SGCD: variants seen among roughly 807,000 people sequenced by gnomAD.
SGCD encodes the protein delta-sarcoglycan.
A neutral mutation model predicts 36.6 loss-of-function variants in SGCD; 18 were observed. That is an observed-to-expected ratio of 0.49 (90% confidence interval 0.34 to 0.73). The LOEUF (loss-of-function observed/expected upper bound fraction) is 0.73. Among genes scored for constraint, SGCD ranks in the 30% least tolerant of loss-of-function variants. The pLI, the probability that SGCD is intolerant of heterozygous loss-of-function variation, is 0.01. For missense variants in SGCD, 387 were observed against 346.7 expected (o/e 1.12, Z -0.92); for synonymous variants, 133 against 130.6 (o/e 1.02, Z -0.12).
intron 3 of SGCD, among the ~76,000 whole-genome samples, chr5:156,453,112 A>G (rs1351945050): frequency 6.6e-6 from 1 of 152,202 alleles, no homozygotes; most frequent in Non-Finnish European, 1.5e-5. Flanking sequence ...GACAAATAGA[A>G]TAGCATGAAC....
At position 156,666,959 on chromosome 5, in the gene SGCD, A is replaced by T. The variant is rs191536745; in HGVS notation, c.575+19423A>T. On this transcript the variant is annotated intron_variant, in intron 7 of 8. Transcript: ENST00000337851. ...GACTTTGTCTCAAAAACTAATAATA[A>T]ATAAAAATTAAAATTAAAAAACCAT... Among the ~76,000 whole-genome samples, 184 of 152,252 alleles carry T rather than the reference A, an allele frequency of 1.2e-3. 1 individual carries two copies. Among genetic ancestry groups the T allele is most frequent in the Non-Finnish European group, 2.2e-3 (151 of 68,024 alleles).
At chr5:156,296,275 C>T (rs1282696876) in intron 3 of SGCD, among the ~76,000 whole-genome samples, 1 of 152,166 alleles carries the variant, frequency 6.6e-6, no homozygotes, top group South Asian at 2.1e-4. Flanking sequence ...CTCTATCAAT[C>T]ACCTTGAGGA....
chr5:155,806,443 G>A, the SGCD span, among the ~76,000 whole-genome samples: 119 of 152,300 alleles, frequency 7.8e-4, no homozygotes, highest in African/African-American at 2.6e-3. Flanking sequence ...ATAAGCCATC[G>A]TGCCCAGCCG....
intron 3 of SGCD, among the ~76,000 whole-genome samples, chr5:156,144,051 T>A (rs1490203125): frequency 6.6e-6 from 1 of 151,978 alleles, no homozygotes; most frequent in East Asian, 1.9e-4. Flanking sequence ...TCCGTGTCCC[T>A]ACAAAGGACA....
At chr5:156,301,367 CA>C (rs1009196497) in intron 3 of SGCD, among the ~76,000 whole-genome samples, 1 of 152,006 alleles carries the variant, frequency 6.6e-6, no homozygotes, top group African/African-American at 2.4e-5. Context: ...AACAAACTAA[CA>C]AAGAGAAAAC....
intron 7 of SGCD, among the ~76,000 whole-genome samples, chr5:156,703,320 G>C (rs764640147): frequency 1.3e-5 from 2 of 151,658 alleles, no homozygotes; most frequent in Non-Finnish European, 2.9e-5. Flanking sequence ...ATCTATAGTG[G>C]GTGCTTCTGG....
At chr5:155,909,956 C>T (rs1243891945) in intron 1 of SGCD, among the ~76,000 whole-genome samples, 4 of 151,680 alleles carry the variant, frequency 2.6e-5, no homozygotes, top group South Asian at 2.1e-4. Context: ...AGTCTGGGAG[C>T]AAAAGACAAG....
intron 3 of SGCD, among the ~76,000 whole-genome samples, chr5:156,191,388 A>T (rs925868502): frequency 6.6e-6 from 1 of 152,150 alleles, no homozygotes; most frequent in African/African-American, 2.4e-5. Flanking sequence ...AGGTAGACGC[A>T]TTAAAAGGAG....
At chr5:155,836,466 A>ACCC in the SGCD span, among the ~76,000 whole-genome samples, 5 of 89,344 alleles carry the variant, frequency 5.6e-5, no homozygotes, top group African/African-American at 3.2e-4. Flanking sequence ...TACCTCTGAT[A>ACCC]CCCACCCCCG....
At chr5:156,405,441 T>C (rs4705013) in intron 3 of SGCD, among the ~76,000 whole-genome samples, 90,000 of 152,046 alleles carry the variant, frequency 0.59, 27,072 homozygotes, top group Middle Eastern at 0.71. Flanking sequence ...GGTTTTTCTA[T>C]CTTAAACAAA....
intron 1 of SGCD, among the ~76,000 whole-genome samples, chr5:156,101,298 C>A (rs775214677): frequency 1.3e-5 from 2 of 152,202 alleles, no homozygotes; most frequent in Non-Finnish European, 2.9e-5. Flanking sequence ...CCTGGCGAAG[C>A]TTCATCTCCA....
the SGCD span, among the ~76,000 whole-genome samples, chr5:155,853,482 C>T: frequency 6.6e-6 from 1 of 152,120 alleles, no homozygotes; most frequent in African/African-American, 2.4e-5. Context: ...CAATTGTTGA[C>T]ATGCCTCTTT....
At chr5:155,927,174 G>A (rs1270246015) in intron 1 of SGCD, among the ~76,000 whole-genome samples, 1 of 152,152 alleles carries the variant, frequency 6.6e-6, no homozygotes, top group Non-Finnish European at 1.5e-5. Context: ...ATTTCTAACG[G>A]TCATAGAGAT....
chr5:156,574,557 A>G (rs1759847061), intron 4 of SGCD, among the ~76,000 whole-genome samples: 1 of 152,180 alleles, frequency 6.6e-6, no homozygotes, highest in Non-Finnish European at 1.5e-5. Context: ...CAAAGCCCTA[A>G]TTAACCACAA....
At chr5:156,208,248 C>T (rs541922662) in intron 3 of SGCD, among the ~76,000 whole-genome samples, 41 of 152,298 alleles carry the variant, frequency 2.7e-4, no homozygotes, top group African/African-American at 9.4e-4. Context: ...TGCCTGTCTT[C>T]AAGAGCTTGA....
intron 1 of SGCD, among the ~76,000 whole-genome samples, chr5:155,952,773 A>T (rs1393906414): frequency 6.6e-6 from 1 of 152,224 alleles, no homozygotes; most frequent in Non-Finnish European, 1.5e-5. Flanking sequence ...CTTCCTTTCA[A>T]ACCTAGTCAT....
chr5:156,733,962 C>G (rs189701756), intron 7 of SGCD, among the ~76,000 whole-genome samples: 46 of 152,048 alleles, frequency 3.0e-4, no homozygotes, highest in African/African-American at 1.0e-3. Flanking sequence ...ATCCTCTCAT[C>G]ATGATCTTAG....
intron 3 of SGCD, among the ~76,000 whole-genome samples, chr5:156,436,623 A>G (rs1048946204): frequency 6.6e-6 from 1 of 152,224 alleles, no homozygotes; most frequent in Non-Finnish European, 1.5e-5. Context: ...CGTTAATGAC[A>G]GAGACTAAAT....
chr5:156,508,467 T>A, intron 3 of SGCD, 134 bp from the exon 4 acceptor site: 1 of 616,148 alleles, frequency 1.6e-6, no homozygotes, highest in Non-Finnish European at 2.9e-6. Flanking sequence ...TACATGTTTT[T>A]TGAATACCCG....
Sources: gnomAD v4.1 joint callset for allele counts (sites outside exome capture counted in the v4.1 genomes callset) on GRCh38, gnomAD v4.1.1 for gene constraint, MANE v1.5 for transcripts, NCBI Gene and HGNC (gene_info 2026-07-23, HGNC 2026-07-21) for gene names.